The following CHM variants were observed in gnomAD, a reference collection of about 807,000 sequenced individuals.
The protein encoded by CHM is rab proteins geranylgeranyltransferase component A 1.
Under a neutral mutation model 49.0 loss-of-function variants are expected in CHM, and 10 were observed. That is an observed-to-expected ratio of 0.20 (90% CI 0.13 to 0.35). The LOEUF (loss-of-function observed/expected upper bound fraction) is 0.35. Among genes scored for constraint, CHM ranks in the 10% least tolerant of loss-of-function variants. The pLI, the probability that CHM is intolerant of heterozygous loss-of-function variation, is 1.00. For missense variants in CHM, 455 were observed against 478.4 expected, an observed-to-expected ratio of 0.95 and a Z score of 0.46; for synonymous variants, 184 against 167.5, an observed-to-expected ratio of 1.10 and a Z score of -0.76.
At chrX:85,969,037 T>C (rs1200836600) in intron 4 of CHM, 1 of 618,461 alleles carries the variant, frequency 1.6e-6, no homozygotes, top group Non-Finnish European at 1.9e-6. Flanking sequence ...CTCCTGTTGC[T>C]TGTATAATTT....
intron 13 of CHM, among the ~76,000 whole-genome samples, chrX:85,874,399 G>A (rs773374806): frequency 2.8e-4 from 31 of 111,363 alleles, no homozygotes; most frequent in Admixed American, 7.6e-4. Flanking sequence ...CCAAGACCAT[G>A]AGGCACCTCA....
chrX:86,021,104 AC>A (rs1933550358), intron 2 of CHM, among the ~76,000 whole-genome samples: 1 of 82,542 alleles, frequency 1.2e-5, no homozygotes, highest in South Asian at 7.0e-4. Context: ...ACATATATAT[AC>A]GTATATATAT....
intron 8 of CHM, among the ~76,000 whole-genome samples, chrX:85,924,596 C>A (rs1482035549): frequency 8.9e-6 from 1 of 111,800 alleles, no homozygotes; most frequent in Admixed American, 9.5e-5. Flanking sequence ...ATCAAGATTA[C>A]AACTTAATAC....
At chrX:85,956,106 T>G (rs1423457451) in intron 8 of CHM, 47 bp downstream of exon 8, 3 of 1,074,978 alleles carry the variant, frequency 2.8e-6, no homozygotes, top group Non-Finnish European at 3.9e-6. Flanking sequence ...CATCTGTTAT[T>G]CAAGTATCAC....
intron 8 of CHM, among the ~76,000 whole-genome samples, chrX:85,922,032 C>T (rs1379055690): frequency 8.9e-6 from 1 of 111,960 alleles, no homozygotes; most frequent in African/African-American, 3.3e-5. Context: ...GTGGTATTTA[C>T]ACACATATGC....
chrX:85,985,867 A>T (rs1007291613), intron 2 of CHM, among the ~76,000 whole-genome samples: 1 of 110,900 alleles, frequency 9.0e-6, no homozygotes, highest in Non-Finnish European at 1.9e-5. Context: ...TGTTCCCATA[A>T]CTCCACACCA....
At chrX:85,865,099 ACATT>A (rs918179624) in intron 14 of CHM, among the ~76,000 whole-genome samples, 2 of 111,491 alleles carry the variant, frequency 1.8e-5, no homozygotes, top group African/African-American at 6.5e-5. Context: ...GAACTGAAAT[ACATT>A]CATTCTATAT....
chrX:86,033,087 C>A, intron 1 of CHM, among the ~76,000 whole-genome samples: 1 of 111,432 alleles, frequency 9.0e-6, no homozygotes, highest in Non-Finnish European at 1.9e-5. Flanking sequence ...TCAAAATCCC[C>A]CTTTAATCCA....
At chrX:86,042,305 T>C (rs1030788785) in intron 1 of CHM, among the ~76,000 whole-genome samples, 7 of 111,635 alleles carry the variant, frequency 6.3e-5, no homozygotes, top group African/African-American at 2.3e-4. Flanking sequence ...GCTGTTCCTG[T>C]GTTGCCATAA....
At chrX:85,903,726 T>C (rs1260133567) in intron 9 of CHM, 1 of 381,128 alleles carries the variant, frequency 2.6e-6, no homozygotes, top group South Asian at 2.4e-5. Flanking sequence ...AGGAAAAAAA[T>C]CACTGTCAAG....
chrX:86,032,866 A>C (rs1934096204), intron 1 of CHM, among the ~76,000 whole-genome samples: 1 of 111,653 alleles, frequency 9.0e-6, no homozygotes. Context: ...TCTGTTACAA[A>C]GGTGGCAGCT....
intron 11 of CHM, among the ~76,000 whole-genome samples, chrX:85,898,659 C>CTCA (rs1926061826): frequency 8.9e-6 from 1 of 112,204 alleles, no homozygotes; most frequent in Non-Finnish European, 1.9e-5. Flanking sequence ...ACTCACAAAC[C>CTCA]TCATAGCTTA....
intron 5 of CHM, among the ~76,000 whole-genome samples, chrX:85,961,780 T>C (rs958806728): frequency 9.0e-6 from 1 of 111,539 alleles, no homozygotes; most frequent in Non-Finnish European, 1.9e-5. Flanking sequence ...CCTAGTCCAC[T>C]GCCTCTAGAC....
In CHM at chrX:85,892,543, C is replaced by T. The variant is rs1444881197; in HGVS notation, c.1510+1645G>A. Among the ~76,000 whole-genome samples the T allele has an allele frequency of 3.6e-5, 4 of 111,063 alleles. No homozygotes were observed. In the East Asian group the frequency reaches 1.1e-3, roughly 31 times the overall value. ...GTTAAGAAGTGCCTTTTGCCTCCTG[C>T]CATGATTCTGAGACCTCCCTAGCCA... On this transcript the variant is annotated intron_variant, in intron 12 of 14. Coordinates refer to ENST00000357749, the MANE Select transcript of CHM (RefSeq NM_000390.4).
intron 4 of CHM, among the ~76,000 whole-genome samples, chrX:85,974,921 A>G (rs1021145718): frequency 1.8e-5 from 2 of 111,292 alleles, no homozygotes; most frequent in Non-Finnish European, 3.8e-5. Context: ...AGTCATGGGG[A>G]AAATATTCTC....
intron 8 of CHM, among the ~76,000 whole-genome samples, chrX:85,949,205 C>T (rs1929590157): frequency 8.9e-6 from 1 of 112,295 alleles, no homozygotes; most frequent in Non-Finnish European, 1.9e-5. Flanking sequence ...AGATTCAATA[C>T]ATAAGATCAC....
intron 2 of CHM, among the ~76,000 whole-genome samples, chrX:85,997,945 G>C (rs936295408): frequency 9.2e-6 from 1 of 108,913 alleles, no homozygotes; most frequent in Non-Finnish European, 1.9e-5. Flanking sequence ...GCGAGACTCC[G>C]TCTAAAAAAA....
intron 9 of CHM, chrX:85,903,793 G>A: frequency 3.0e-6 from 1 of 330,319 alleles, no homozygotes; most frequent in South Asian, 3.0e-5. Flanking sequence ...AAAATCAAGG[G>A]CTATTGGTAC....
chrX:86,018,581 T>C (rs202172398), intron 2 of CHM, among the ~76,000 whole-genome samples: 55 of 112,399 alleles, frequency 4.9e-4, no homozygotes, highest in South Asian at 2.9e-3. Context: ...AAAACAACTA[T>C]ATAAATGTTC....
Sources: allele counts gnomAD v4.1 joint callset (sites outside exome capture counted in the v4.1 genomes callset), GRCh38; gene constraint gnomAD v4.1.1; transcripts MANE v1.5; gene names NCBI Gene and HGNC (gene_info 2026-07-23, HGNC 2026-07-21).